Variants in PPARGC1A observed in about 807,000 individuals in gnomAD.
The protein encoded by PPARGC1A is PPARG coactivator 1 alpha, also known as peroxisome proliferator-activated receptor gamma coactivator 1-alpha.
Under a neutral mutation model 88.7 loss-of-function variants are expected in PPARGC1A, and 25 were observed. That is an observed-to-expected ratio of 0.28 (90% CI 0.21 to 0.39). The LOEUF is 0.39. PPARGC1A is among the 10% of genes least tolerant of loss of function. PPARGC1A has a pLI of 1.00. For synonymous variants in PPARGC1A, 363 were observed against 355.6 expected, an observed-to-expected ratio of 1.02 and a Z score of -0.24; for missense variants, 880 against 968.7, an observed-to-expected ratio of 0.91 and a Z score of 1.22.
intron 7 of PPARGC1A, among the ~76,000 whole-genome samples, chr4:23,819,488 C>A (rs1009807302): frequency 2.6e-5 from 4 of 152,120 alleles, no homozygotes; most frequent in African/African-American, 4.8e-5. Context: ...CATTAATTGA[C>A]CCTTGTGTAA....
chr4:24,369,524 G>T, the PPARGC1A span, among the ~76,000 whole-genome samples: 5 of 151,950 alleles, frequency 3.3e-5, no homozygotes, highest in African/African-American at 1.2e-4. Context: ...GTTAAGAGAA[G>T]CAGTACAATC....
intron 10 of PPARGC1A, 52 bp downstream of exon 10, chr4:23,812,695 A>G: frequency 6.2e-7 from 1 of 1,602,588 alleles, no homozygotes; most frequent in Non-Finnish European, 8.5e-7. Context: ...AAAAGCACAC[A>G]GAAAAAGAAG....
At chr4:24,471,186 G>GCGCGCTC in the PPARGC1A span, among the ~76,000 whole-genome samples, 1 of 151,768 alleles carries the variant, frequency 6.6e-6, no homozygotes, top group Non-Finnish European at 1.5e-5. The surrounding 1 kb of genome is among the most constrained non-coding windows in gnomAD (Gnocchi z 5.4). Flanking sequence ...CCCCCGCGGT[G>GCGCGCTC]CGCGCTCCGC....
At chr4:24,263,533 T>C in the PPARGC1A span, among the ~76,000 whole-genome samples, 1 of 151,912 alleles carries the variant, frequency 6.6e-6, no homozygotes, top group Non-Finnish European at 1.5e-5. Flanking sequence ...GATCCACTTA[T>C]ACAGAGGTCT....
chr4:23,924,366 G>A, the PPARGC1A span, among the ~76,000 whole-genome samples: 1 of 152,188 alleles, frequency 6.6e-6, no homozygotes, highest in African/African-American at 2.4e-5. Context: ...GGTGCCTCGT[G>A]TCTGTAATCC....
chr4:24,312,615 GAA>G, the PPARGC1A span, among the ~76,000 whole-genome samples: 3 of 95,314 alleles, frequency 3.1e-5, no homozygotes, highest in African/African-American at 1.3e-4. Flanking sequence ...GGGTGGGGGG[GAA>G]AAGGATTTCA....
At chr4:24,335,208 A>T in the PPARGC1A span, among the ~76,000 whole-genome samples, 1 of 152,244 alleles carries the variant, frequency 6.6e-6, no homozygotes, top group Non-Finnish European at 1.5e-5. Flanking sequence ...AAATGAGCAC[A>T]TAGTATGTGT....
chr4:24,038,654 A>G, the PPARGC1A span, among the ~76,000 whole-genome samples: 3 of 152,150 alleles, frequency 2.0e-5, no homozygotes, highest in Non-Finnish European at 4.4e-5. Flanking sequence ...AGGTAGGGGA[A>G]GAGTCATTCT....
the PPARGC1A span, among the ~76,000 whole-genome samples, chr4:24,115,180 A>G: frequency 6.6e-6 from 1 of 152,204 alleles, no homozygotes; most frequent in Non-Finnish European, 1.5e-5. Context: ...TTGCATGGAA[A>G]ACTAACAGCC....
the PPARGC1A span, among the ~76,000 whole-genome samples, chr4:24,339,513 C>T: frequency 3.9e-5 from 6 of 152,096 alleles, no homozygotes; most frequent in Non-Finnish European, 5.9e-5. Flanking sequence ...CATCCTCCAT[C>T]GTGCTTTCTC....
At chr4:23,862,479 GT>G (rs139423084) in intron 2 of PPARGC1A, among the ~76,000 whole-genome samples, 5,577 of 152,204 alleles carry the variant, frequency 0.037, 321 homozygotes, top group African/African-American at 0.13. Flanking sequence ...GAATTTGACT[GT>G]TGGAGTTAGG....
chr4:24,079,906 GT>G, the PPARGC1A span, among the ~76,000 whole-genome samples: 2 of 151,902 alleles, frequency 1.3e-5, no homozygotes, highest in African/African-American at 4.8e-5. Flanking sequence ...CCATTTGTCT[GT>G]TGATTCTTAC....
chr4:24,258,767 G>A, the PPARGC1A span, among the ~76,000 whole-genome samples: 1 of 152,198 alleles, frequency 6.6e-6, no homozygotes, highest in African/African-American at 2.4e-5. Context: ...TACTTCAGAA[G>A]TAATTTCGTT....
the PPARGC1A span, among the ~76,000 whole-genome samples, chr4:24,027,093 G>A: frequency 1.3e-5 from 2 of 152,060 alleles, no homozygotes; most frequent in African/African-American, 4.8e-5. Flanking sequence ...GGACTTTCAA[G>A]AGGCTCTAAT....
At chr4:24,364,376 C>A in the PPARGC1A span, among the ~76,000 whole-genome samples, 1 of 152,172 alleles carries the variant, frequency 6.6e-6, no homozygotes, top group Non-Finnish European at 1.5e-5. Context: ...GAGGTGCAGA[C>A]ACAAAGTGCT....
the PPARGC1A span, among the ~76,000 whole-genome samples, chr4:24,175,352 G>A: frequency 1.7e-5 from 2 of 118,568 alleles, no homozygotes; most frequent in Non-Finnish European, 3.7e-5. Flanking sequence ...GCGGGTTTTT[G>A]TTTTTTTTTT....
At chr4:24,113,508 A>G in the PPARGC1A span, among the ~76,000 whole-genome samples, 1 of 152,032 alleles carries the variant, frequency 6.6e-6, no homozygotes, top group African/African-American at 2.4e-5. Context: ...TGCATAGAGA[A>G]CCCTTGATCT....
chr4:23,828,423 T>A lies in PPARGC1A; in HGVS notation c.734A>T (p.Gln245Leu). 1 of 1,613,984 alleles carries A rather than the reference T, an allele frequency of 6.2e-7. No homozygotes were observed. Among genetic ancestry groups the A allele is most frequent in the Non-Finnish European group, 8.5e-7 (1 of 1,179,868 alleles). ...KCTSKKKSHT[Q>L]SQSQHLQAKP... Reference sequence around the variant, plus strand: ...ACCTTGTAAGTGTTGTGACTGCGACTGTGTGTGGGACTTCTTTTTGGAGGT... The same window carrying A: ...ACCTTGTAAGTGTTGTGACTGCGACAGTGTGTGGGACTTCTTTTTGGAGGT... Residue 245 changes from glutamine to leucine, a missense_variant, in exon 5 of 13, where the codon CAG (glutamine) becomes CTG (leucine). Coordinates refer to ENST00000264867, the MANE Select transcript of PPARGC1A (RefSeq NM_013261.5).
chr4:24,208,115 G>GA, the PPARGC1A span, among the ~76,000 whole-genome samples: 63 of 151,092 alleles, frequency 4.2e-4, no homozygotes, highest in African/African-American at 1.1e-3. Flanking sequence ...CCTCTCTCTA[G>GA]AAAAAAAAAT....
Sources: allele counts gnomAD v4.1 joint callset (sites outside exome capture counted in the v4.1 genomes callset), GRCh38; gene constraint gnomAD v4.1.1; non-coding constraint Gnocchi (gnomAD v3.1); transcripts MANE v1.5; gene names NCBI Gene and HGNC (gene_info 2026-07-23, HGNC 2026-07-21).